The following ROBO2 variants were observed in gnomAD, a reference collection of about 807,000 sequenced individuals.
The protein encoded by ROBO2 is roundabout homolog 2.
In ROBO2, 53 loss-of-function variants were observed where a neutral mutation model predicts 160.8. That is an observed-to-expected ratio of 0.33 (90% CI 0.26 to 0.41). ROBO2 has a LOEUF of 0.41. Ranked by LOEUF, ROBO2 falls within the 10% of genes least tolerant of loss-of-function variation. ROBO2 has a pLI of 1.00. For synonymous variants in ROBO2, 664 were observed against 611.7 expected (o/e 1.09, Z -1.26); for missense variants, 1,577 against 1,722.4 (o/e 0.92, Z 1.49).
chr3:76,369,937 A>G (rs2076021208), intron 2 of ROBO2, among the ~76,000 whole-genome samples: 2 of 152,004 alleles, frequency 1.3e-5, no homozygotes, highest in African/African-American at 4.8e-5. Context: ...TAACACCACT[A>G]TGCTTCACAA....
In ROBO2 at chr3:76,958,822, C is replaced by T. The variant is rs74556139; in HGVS notation, c.110-139192C>T. Among the ~76,000 whole-genome samples the T allele has an allele frequency of 1.0e-3, 152 of 152,262 alleles. 1 individual carries two copies. The East Asian group carries it at 0.028, about 28-fold the overall frequency. ...AAACAAAAACATCCTTTTTGTCCAT[C>T]GTGTATTCACATATGTTTTGCAGAA... On this transcript the variant is annotated intron_variant, in intron 2 of 26. Coordinates refer to the ROBO2 transcript ENST00000487694.
At position 76,064,682 on chromosome 3, in the gene ROBO2, A is replaced by C. The variant is rs547659457; in HGVS notation, c.109+127080A>C. On this transcript the variant is annotated intron_variant, in intron 2 of 26. Coordinates refer to the ROBO2 transcript ENST00000487694. Reference sequence around the variant, plus strand: ...TTAATTTTAAACTGATTTTCTTTTAATGCAAAATAAAAATTGGGGGCCTGA... The same window carrying C: ...TTAATTTTAAACTGATTTTCTTTTACTGCAAAATAAAAATTGGGGGCCTGA... Among the ~76,000 whole-genome samples, 9 of 152,250 alleles carry C rather than the reference A, an allele frequency of 5.9e-5. No individual in the cohort carries two copies. In the East Asian group the frequency reaches 1.5e-3, roughly 26 times the overall value.
chr3:76,564,121 G>A (rs766607513), intron 2 of ROBO2, among the ~76,000 whole-genome samples: 5 of 152,310 alleles, frequency 3.3e-5, no homozygotes, highest in South Asian at 4.1e-4. Context: ...CACGAGAATC[G>A]CATGAACCTG....
At chr3:77,269,507 A>G (rs1281617595) in intron 2 of ROBO2, among the ~76,000 whole-genome samples, 2 of 152,170 alleles carry the variant, frequency 1.3e-5, no homozygotes, top group East Asian at 1.9e-4. Flanking sequence ...GCGAGCCACA[A>G]GTAAATAGAG....
intron 5 of ROBO2, among the ~76,000 whole-genome samples, chr3:77,499,766 A>G (rs2087301638): frequency 6.8e-6 from 1 of 147,460 alleles, no homozygotes; most frequent in Non-Finnish European, 1.5e-5. Context: ...CTCCTGCCCC[A>G]GCCTCCTGAG....
intron 2 of ROBO2, among the ~76,000 whole-genome samples, chr3:77,195,921 G>A (rs1159150547): frequency 6.6e-6 from 1 of 152,188 alleles, no homozygotes; most frequent in Non-Finnish European, 1.5e-5. Flanking sequence ...CAATTGGCAG[G>A]CCCATTGGGT....
At chr3:77,212,185 C>T (rs373028768) in intron 2 of ROBO2, among the ~76,000 whole-genome samples, 3 of 152,052 alleles carry the variant, frequency 2.0e-5, no homozygotes, top group Admixed American at 6.6e-5. Context: ...ATTTTCACGA[C>T]ATTGATTCTT....
intron 2 of ROBO2, among the ~76,000 whole-genome samples, chr3:76,764,378 C>T (rs2608164): frequency 0.84 from 127,770 of 151,218 alleles, 54,091 homozygotes; most frequent in African/African-American, 0.87. Context: ...GTATGCAGTT[C>T]TGACTACTTT....
chr3:77,507,956 G>A (rs1417621045), intron 5 of ROBO2, among the ~76,000 whole-genome samples: 1 of 151,844 alleles, frequency 6.6e-6, no homozygotes, highest in Non-Finnish European at 1.5e-5. Flanking sequence ...AAAGTTACTG[G>A]AAAAATTGCC....
At chr3:76,992,997 T>C (rs564855803) in intron 2 of ROBO2, among the ~76,000 whole-genome samples, 3 of 152,144 alleles carry the variant, frequency 2.0e-5, no homozygotes, top group Non-Finnish European at 2.9e-5. Context: ...TTTGTGTTTT[T>C]AGTAGAGATG....
intron 2 of ROBO2, among the ~76,000 whole-genome samples, chr3:75,993,660 C>T (rs1266188497): frequency 2.0e-5 from 3 of 152,098 alleles, no homozygotes; most frequent in South Asian, 2.1e-4. Flanking sequence ...TATACCTTTT[C>T]GCTTCCTGTA....
chr3:76,236,137 TAA>T (rs1309903909), intron 2 of ROBO2, among the ~76,000 whole-genome samples: 8 of 151,576 alleles, frequency 5.3e-5, no homozygotes, highest in Admixed American at 3.9e-4. Context: ...ATAATAAAGT[TAA>T]GTCAATTATT....
At chr3:76,629,063 G>A (rs1370601462) in intron 2 of ROBO2, among the ~76,000 whole-genome samples, 1 of 151,996 alleles carries the variant, frequency 6.6e-6, no homozygotes, top group Admixed American at 6.6e-5. Flanking sequence ...CTCTCATCCA[G>A]GTTCCCTTGA....
At chr3:76,642,960 C>G (rs1332785373) in intron 2 of ROBO2, among the ~76,000 whole-genome samples, 1 of 152,020 alleles carries the variant, frequency 6.6e-6, no homozygotes, top group Admixed American at 6.6e-5. Flanking sequence ...AATAAAGTTG[C>G]TAAAATGAGA....
intron 2 of ROBO2, among the ~76,000 whole-genome samples, chr3:77,462,840 A>AAG (rs2082379921): frequency 6.6e-6 from 1 of 152,112 alleles, no homozygotes; most frequent in Non-Finnish European, 1.5e-5. Flanking sequence ...ATGTGCATGC[A>AAG]AGCACATTCC....
At chr3:76,399,241 A>G (rs1435748270) in intron 2 of ROBO2, among the ~76,000 whole-genome samples, 1 of 151,668 alleles carries the variant, frequency 6.6e-6, no homozygotes, top group Non-Finnish European at 1.5e-5. Flanking sequence ...TAAGATAAGT[A>G]GAGAAACAGA....
Position 76,345,440 on chromosome 3 carries a change from TC to T in ROBO2, c.109+407839del, listed in dbSNP as rs1217294761. ...GGCAGGATATCTTTTTTCTTTTCTTTCTTTTTTTTTTTTTTTTTTAAGCACA... is the reference window on the plus strand; with the variant it reads ...GGCAGGATATCTTTTTTCTTTTCTTTTTTTTTTTTTTTTTTTTTAAGCACA... On this transcript the variant is annotated intron_variant, in intron 2 of 26. Coordinates refer to the ROBO2 transcript ENST00000487694. Among the ~76,000 whole-genome samples, 148 of 89,946 alleles carry T rather than the reference TC, an allele frequency of 1.6e-3. 1 individual carries two copies. The highest frequency in any genetic ancestry group is 4.1e-3 in the African/African-American group (125 of 30,376). 59.0% of individuals were successfully genotyped at this position (89,946 alleles called of 152,430 possible).
At chr3:76,639,436 G>T (rs1248573554) in intron 2 of ROBO2, among the ~76,000 whole-genome samples, 1 of 148,080 alleles carries the variant, frequency 6.8e-6, no homozygotes, top group East Asian at 2.0e-4. Context: ...AAACATATAC[G>T]TGTATATATA....
chr3:77,287,755 T>C (rs1428802308), intron 2 of ROBO2, among the ~76,000 whole-genome samples: 1 of 152,188 alleles, frequency 6.6e-6, no homozygotes, highest in Non-Finnish European at 1.5e-5. Context: ...TGCTTTGATG[T>C]CTTATTTTTT....
Sources: allele counts gnomAD v4.1 joint callset (sites outside exome capture counted in the v4.1 genomes callset), GRCh38; gene constraint gnomAD v4.1.1; transcripts MANE v1.5; gene names NCBI Gene and HGNC (gene_info 2026-07-23, HGNC 2026-07-21).